The following FRMD4B variants were observed in gnomAD, a reference collection of about 807,000 sequenced individuals.
The protein encoded by FRMD4B is FERM domain containing 4B.
A neutral mutation model predicts 141.5 loss-of-function variants in FRMD4B; 74 were observed. The observed-to-expected ratio is 0.52, with a 90% CI of 0.43 to 0.63. The LOEUF is 0.63. Among genes scored for constraint, FRMD4B ranks in the 30% least tolerant of loss-of-function variants. The pLI is 0.00. For missense variants in FRMD4B, 1,366 were observed against 1,253.4 expected, an observed-to-expected ratio of 1.09 and a Z score of -1.36; for synonymous variants, 506 against 467.9, an observed-to-expected ratio of 1.08 and a Z score of -1.05.
At position 69,449,506 on chromosome 3, in the gene FRMD4B, T is replaced by C. The variant is rs577642592; in HGVS notation, c.-128-16745A>G. 3.9e-5 allele frequency among the ~76,000 whole-genome samples: 6 copies of C among 152,328 alleles called. No homozygotes were observed. The South Asian group carries it at 8.3e-4, about 21-fold the overall frequency. On this transcript the variant is annotated intron_variant, in intron 1 of 5. Coordinates refer to the FRMD4B transcript ENST00000459638. ...AGCGGATGAATGCATCTAGATATTA[T>C]CTCCTAGCCCCCATTCAAATAAATG...
At chr3:69,224,831 A>G (rs2093234660) in intron 7 of FRMD4B, 141 bp from the exon 8 acceptor site, 2 of 585,834 alleles carry the variant, frequency 3.4e-6, no homozygotes. Context: ...GACTCTAACT[A>G]GAAGCAGCCC....
At chr3:69,342,597 T>C (rs773107750) in intron 1 of FRMD4B, among the ~76,000 whole-genome samples, 31 of 152,222 alleles carry the variant, frequency 2.0e-4, no homozygotes, top group Non-Finnish European at 3.5e-4. Flanking sequence ...CTGCCACTTA[T>C]TAGGTACTTC....
intron 1 of FRMD4B, among the ~76,000 whole-genome samples, chr3:69,352,793 T>C (rs1294464198): frequency 2.0e-5 from 3 of 152,228 alleles, no homozygotes; most frequent in Admixed American, 6.5e-5. Flanking sequence ...TCTGATCACA[T>C]AGAATCCTCA....
chr3:69,261,855 T>G (rs2106860029), intron 5 of FRMD4B, among the ~76,000 whole-genome samples: 1 of 152,178 alleles, frequency 6.6e-6, no homozygotes, highest in Admixed American at 6.5e-5. Flanking sequence ...GTATTTTTAG[T>G]AGAGATGGGG....
intron 1 of FRMD4B, among the ~76,000 whole-genome samples, chr3:69,480,351 G>C (rs151156105): frequency 6.6e-6 from 1 of 151,940 alleles, no homozygotes. Context: ...TCTACTTTTG[G>C]TCTTTGAAGA....
intron 1 of FRMD4B, among the ~76,000 whole-genome samples, chr3:69,350,966 A>G (rs1463686814): frequency 6.6e-6 from 1 of 152,176 alleles, no homozygotes; most frequent in Non-Finnish European, 1.5e-5. Flanking sequence ...TGTACTCTAG[A>G]ACTTAAAGTA....
intron 12 of FRMD4B, among the ~76,000 whole-genome samples, 153 bp from the exon 13 acceptor site, chr3:69,197,191 T>C (rs2092916756): frequency 6.6e-6 from 1 of 152,202 alleles, no homozygotes; most frequent in Admixed American, 6.6e-5. Flanking sequence ...TTTCTGATTT[T>C]CTCCTTTTAC....
At chr3:69,447,158 A>C (rs1184955233) in intron 1 of FRMD4B, among the ~76,000 whole-genome samples, 1 of 152,202 alleles carries the variant, frequency 6.6e-6, no homozygotes, top group African/African-American at 2.4e-5. Context: ...AGTGAGCTAC[A>C]GAGTGGTAGT....
At chr3:69,219,796 CAGTA>C (rs1664148669) in intron 9 of FRMD4B, among the ~76,000 whole-genome samples, 1 of 152,150 alleles carries the variant, frequency 6.6e-6, no homozygotes, top group African/African-American at 2.4e-5. Flanking sequence ...CCTGACAGGC[CAGTA>C]AGTGTTGTTC....
chr3:69,537,186 A>G (rs2107172158), intron 1 of FRMD4B, among the ~76,000 whole-genome samples: 1 of 152,346 alleles, frequency 6.6e-6, no homozygotes, highest in South Asian at 2.1e-4. Context: ...GGATTGACCC[A>G]GGGAAGCCAG....
chr3:69,186,708 T>G (rs2092771497), intron 19 of FRMD4B, among the ~76,000 whole-genome samples: 1 of 152,174 alleles, frequency 6.6e-6, no homozygotes, highest in Admixed American at 6.5e-5. Context: ...AGAGACTCTG[T>G]CTATAAAATT....
intron 1 of FRMD4B, among the ~76,000 whole-genome samples, chr3:69,464,943 G>T (rs1378079274): frequency 2.6e-5 from 4 of 152,158 alleles, no homozygotes; most frequent in Admixed American, 2.6e-4. Flanking sequence ...ACAAAGAGAT[G>T]GAGGGAAAAC....
At chr3:69,480,360 G>A (rs1005715683) in intron 1 of FRMD4B, among the ~76,000 whole-genome samples, 4 of 152,104 alleles carry the variant, frequency 2.6e-5, no homozygotes, top group Non-Finnish European at 5.9e-5. Context: ...GGTCTTTGAA[G>A]ATGGTGATGT....
chr3:69,438,333 C>T (rs1470369461), intron 1 of FRMD4B, among the ~76,000 whole-genome samples: 14 of 151,872 alleles, frequency 9.2e-5, no homozygotes, highest in Admixed American at 7.9e-4. Flanking sequence ...CCTGAACTCT[C>T]GGTTTCAAAT....
intron 11 of FRMD4B, among the ~76,000 whole-genome samples, chr3:69,210,575 T>C (rs771746283): frequency 5.9e-5 from 9 of 152,198 alleles, no homozygotes; most frequent in Admixed American, 1.3e-4. Flanking sequence ...AGCTGCTTAT[T>C]GTCTTAATTT....
At chr3:69,250,511 C>T (rs1403746563) in intron 5 of FRMD4B, among the ~76,000 whole-genome samples, 1 of 151,870 alleles carries the variant, frequency 6.6e-6, no homozygotes, top group South Asian at 2.1e-4. Context: ...ATTTTTTTCC[C>T]CTGTGTTACA....
At chr3:69,518,140 A>G (rs574231807) in intron 1 of FRMD4B, among the ~76,000 whole-genome samples, 220 of 152,226 alleles carry the variant, frequency 1.4e-3, no homozygotes, top group African/African-American at 5.2e-3. Context: ...GGTGATAAAG[A>G]TATTCTTTAT....
At chr3:69,367,696 C>G (rs183993372) in intron 1 of FRMD4B, among the ~76,000 whole-genome samples, 1 of 152,092 alleles carries the variant, frequency 6.6e-6, no homozygotes, top group Non-Finnish European at 1.5e-5. Context: ...CCCATAGTAC[C>G]GAGGTACTGT....
chr3:69,181,002 C>A lies in FRMD4B; in HGVS notation c.2748G>T (p.Pro916=), dbSNP rs370212737. ...CCCTGTCTGAGTCAAAGCTGGTCTG[C>A]GGGCTGTGTCCCTGATCCTTCTGCC... ...ASGQKDQGHS[P]QTSFDSDRGS... is the part of the protein sequence containing the mutation. Residue 916 remains proline (P), a synonymous_variant, in exon 21 of 23, where the codon CCG becomes CCT. Transcript: ENST00000398540. 6.2e-7 allele frequency: 1 copy of A among 1,613,932 alleles called. No homozygotes were observed. The highest frequency in any genetic ancestry group is 8.5e-7 in the Non-Finnish European group (1 of 1,179,806).
Sources: gnomAD v4.1 joint callset for allele counts (sites outside exome capture counted in the v4.1 genomes callset) on GRCh38, gnomAD v4.1.1 for gene constraint, MANE v1.5 for transcripts, NCBI Gene and HGNC (gene_info 2026-07-23, HGNC 2026-07-21) for gene names.